IL16: variants seen among roughly 807,000 people sequenced by gnomAD.
IL16 encodes interleukin 16.
A neutral mutation model predicts 110.1 loss-of-function variants in IL16; 67 were observed. That is an observed-to-expected ratio of 0.61 (90% CI 0.50 to 0.75). The LOEUF (loss-of-function observed/expected upper bound fraction) is 0.75. Ranked by LOEUF, IL16 falls within the 30% of genes least tolerant of loss-of-function variation. The probability of loss-of-function intolerance (pLI) is 0.00; values close to 1 mark genes in which losing one functional copy is unlikely to be tolerated. For missense variants in IL16, 1,545 were observed against 1,655.0 expected (o/e 0.93, Z 1.15); for synonymous variants, 689 against 662.9 (o/e 1.04, Z -0.61).
chr15:81,240,812 A>G (rs959259464), intron 2 of IL16, among the ~76,000 whole-genome samples: 52 of 152,038 alleles, frequency 3.4e-4, no homozygotes, highest in Non-Finnish European at 1.0e-4. Flanking sequence ...TGTGGGATTT[A>G]TCAATCCTTT....
At chr15:81,283,175 C>T (rs977572715) in intron 9 of IL16, among the ~76,000 whole-genome samples, 1 of 152,214 alleles carries the variant, frequency 6.6e-6, no homozygotes, top group African/African-American at 2.4e-5. Flanking sequence ...CCACATCCCG[C>T]TGTGGCCAGC....
At chr15:81,290,010 A>T (rs1899635022) in intron 10 of IL16, 1 of 391,918 alleles carries the variant, frequency 2.6e-6, no homozygotes, top group Admixed American at 3.6e-5. Flanking sequence ...TCTAGGACTC[A>T]TACTCTTAAC....
intron 6 of IL16, among the ~76,000 whole-genome samples, chr15:81,274,988 A>C (rs918703628): frequency 8.5e-5 from 13 of 152,130 alleles, no homozygotes; most frequent in African/African-American, 3.1e-4. Flanking sequence ...AGGACTGCAC[A>C]GAGGCGGTAA....
Position 81,313,978 on chromosome 15 carries a change from A to C in IL16, c.*5180A>C, listed in dbSNP as rs1223799562. ...TGGCATGAAAGAGATGGGCAAAAAT[A>C]TAAAAACAATGCCACTCTTTTCACA... On this transcript the variant is annotated 3_prime_UTR_variant, in exon 19 of 19. Transcript: ENST00000683961. 6.6e-6 allele frequency: 1 copy of C among 152,230 alleles called. No homozygotes were observed. Among genetic ancestry groups the C allele is most frequent in the Admixed American group, 6.5e-5 (1 of 15,280 alleles). 9.4% of individuals were successfully genotyped at this position (152,230 alleles called of 1,614,324 possible). A position where few individuals can be genotyped will look rare whatever the true frequency, so the allele number is the denominator to read the frequency against.
chr15:81,189,173 G>C (rs1027691356), intron 1 of IL16, among the ~76,000 whole-genome samples: 1 of 150,342 alleles, frequency 6.7e-6, no homozygotes, highest in African/African-American at 2.5e-5. Flanking sequence ...ACCCAGGCTG[G>C]AGTGCAGTGG....
rs754565993 is a variant in IL16, at chr15:81,292,470, T to C, written c.1421-86T>C. On this transcript the variant is annotated intron_variant, in intron 11 of 18. Coordinates refer to ENST00000683961, the MANE Select transcript of IL16 (RefSeq NM_172217.5). ...AGCAGATGGCCGATGTGCAGTGTGC[T>C]GCCCGTGGCAGTCACAGGTGAGGCC... The C allele has an allele frequency of 6.6e-5, 104 of 1,578,668 alleles. No individual in the cohort carries two copies. In the Middle Eastern group the frequency reaches 1.7e-3, roughly 25 times the overall value.
chr15:81,183,144 G>A (rs980096476), intron 1 of IL16, among the ~76,000 whole-genome samples: 1 of 152,228 alleles, frequency 6.6e-6, no homozygotes, highest in Non-Finnish European at 1.5e-5. Flanking sequence ...CAAGTGCTTG[G>A]CAGAGAGTTC....
At chr15:81,232,554 C>A (rs1215424067) in intron 2 of IL16, among the ~76,000 whole-genome samples, 1 of 152,168 alleles carries the variant, frequency 6.6e-6, no homozygotes, top group African/African-American at 2.4e-5. Context: ...CCGCCACCCC[C>A]ACCGCCAACA....
chr15:81,188,276 T>A (rs577178757), intron 1 of IL16: 11 of 454,898 alleles, frequency 2.4e-5, no homozygotes, highest in African/African-American at 2.2e-4. Context: ...TATGTTGTTA[T>A]GAGGTGGAGA....
At chr15:81,231,126 C>T (rs541444698) in intron 2 of IL16, among the ~76,000 whole-genome samples, 11 of 151,892 alleles carry the variant, frequency 7.2e-5, no homozygotes. Context: ...ATCCCTTGAA[C>T]CCAAGGAGGT....
intron 15 of IL16, among the ~76,000 whole-genome samples, chr15:81,302,450 C>T (rs985459034): frequency 2.0e-5 from 3 of 152,164 alleles, no homozygotes; most frequent in Non-Finnish European, 4.4e-5. Flanking sequence ...GAGCCTTCTA[C>T]AAGGCAAGTA....
Position 81,225,364 on chromosome 15 carries a change from G to A in IL16, c.-36G>A. The stretch of plus-strand genomic sequence containing the variant: ...CCGTCAGCCAAGGGCCAGAGACCAG[G>A]AAAGGAAGAAAGGCAGCTTCACTTC... On this transcript the variant is annotated 5_prime_UTR_variant, in exon 2 of 19. Transcript: ENST00000683961. 6.2e-7 allele frequency: 1 copy of A among 1,606,428 alleles called. No homozygotes were observed. The highest frequency in any genetic ancestry group is 2.2e-5 in the East Asian group (1 of 44,656).
At chr15:81,211,289 T>G (rs1896233374) in intron 1 of IL16, among the ~76,000 whole-genome samples, 1 of 151,910 alleles carries the variant, frequency 6.6e-6, no homozygotes. Flanking sequence ...TTCACTCTTG[T>G]CACCCAGGCT....
chr15:81,269,594 G>C lies in IL16; in HGVS notation c.621G>C (p.Gly207=). 3 of 1,614,134 alleles carry C rather than the reference G, an allele frequency of 1.9e-6. No individual in the cohort carries two copies. Among genetic ancestry groups the C allele is most frequent in the Non-Finnish European group, 2.5e-6 (3 of 1,179,998 alleles). Residue 207 remains glycine, a synonymous_variant, in exon 5 of 19, where the codon GGG becomes GGC. Coordinates refer to ENST00000683961, the MANE Select transcript of IL16 (RefSeq NM_172217.5). ...LSTAQLVQPS[G]GLQASVISNI... ...CAGCTCAGCTCGTGCAGCCATCTGG[G>C]GGCCTCCAGGCTTCAGTCATCTCCA...
chr15:81,193,284 T>C (rs1303801296), upstream of IL16, among the ~76,000 whole-genome samples: 1 of 152,150 alleles, frequency 6.6e-6, no homozygotes, highest in African/African-American at 2.4e-5. Context: ...TCAAGAGTAC[T>C]GTTGGCAGTG....
chr15:81,229,197 G>A (rs548968623), intron 2 of IL16, among the ~76,000 whole-genome samples: 51 of 152,246 alleles, frequency 3.3e-4, no homozygotes, highest in Non-Finnish European at 6.5e-4. Flanking sequence ...GGGACAAACT[G>A]GATCATTCTT....
chr15:81,299,314 A>G (rs1312635948), intron 13 of IL16, 66 bp from the exon 14 acceptor site: 1 of 1,600,714 alleles, frequency 6.2e-7, no homozygotes, highest in Non-Finnish European at 8.5e-7. Context: ...CTTGGAAACT[A>G]GAATTTAGGA....
intron 1 of IL16, among the ~76,000 whole-genome samples, chr15:81,188,895 CT>C (rs1468240785): frequency 6.6e-6 from 1 of 152,162 alleles, no homozygotes; most frequent in African/African-American, 2.4e-5. Flanking sequence ...TATTCTCTTA[CT>C]GGTAAGGCAG....
chr15:81,216,571 G>A (rs1896440478), intron 1 of IL16, among the ~76,000 whole-genome samples: 1 of 152,104 alleles, frequency 6.6e-6, no homozygotes, highest in Admixed American at 6.5e-5. Context: ...CATGTAGTCG[G>A]CCATCTTGTT....
Sources: gnomAD v4.1 joint callset for allele counts (sites outside exome capture counted in the v4.1 genomes callset) on GRCh38, gnomAD v4.1.1 for gene constraint, MANE v1.5 for transcripts, NCBI Gene and HGNC (gene_info 2026-07-23, HGNC 2026-07-21) for gene names.